Variants in FAT3 observed in about 807,000 individuals in gnomAD.
The protein encoded by FAT3 is FAT atypical cadherin 3, also known as protocadherin Fat 3.
A neutral mutation model predicts 310.2 loss-of-function variants in FAT3; 95 were observed. That is an observed-to-expected ratio of 0.31 (90% CI 0.26 to 0.36). The LOEUF (loss-of-function observed/expected upper bound fraction) is 0.36. FAT3 is among the 10% of genes least tolerant of loss of function. The pLI is 1.00. For missense variants in FAT3, 5,408 were observed against 5,715.6 expected (o/e 0.95, Z 1.74); for synonymous variants, 2,314 against 2,192.9 (o/e 1.06, Z -1.54).
intron 14 of FAT3, among the ~76,000 whole-genome samples, chr11:92,832,417 A>G (rs1332551160): frequency 6.6e-6 from 1 of 151,706 alleles, no homozygotes; most frequent in Non-Finnish European, 1.5e-5. Flanking sequence ...TTCTTGGTGG[A>G]CTCTTTTTCC....
chr11:92,676,094 C>CT (rs1490165759), intron 3 of FAT3, among the ~76,000 whole-genome samples: 1 of 152,080 alleles, frequency 6.6e-6, no homozygotes, highest in East Asian at 1.9e-4. Flanking sequence ...AGTACGGATG[C>CT]TTTTAAAGCA....
At chr11:92,338,213 T>A (rs1431608590) in intron 1 of FAT3, among the ~76,000 whole-genome samples, 2 of 152,204 alleles carry the variant, frequency 1.3e-5, no homozygotes, top group African/African-American at 4.8e-5. Flanking sequence ...AGTTTACATA[T>A]GCTGTGTAAA....
At chr11:92,373,287 T>G (rs991768257) in intron 2 of FAT3, among the ~76,000 whole-genome samples, 1 of 152,184 alleles carries the variant, frequency 6.6e-6, no homozygotes. Flanking sequence ...ACATTAAACT[T>G]ATGAGGTAGG....
At chr11:92,278,748 A>T (rs1036237592) in intron 1 of FAT3, among the ~76,000 whole-genome samples, 3 of 152,174 alleles carry the variant, frequency 2.0e-5, no homozygotes, top group African/African-American at 7.2e-5. Context: ...CACATAGTTA[A>T]TTTGGAACAT....
intron 1 of FAT3, among the ~76,000 whole-genome samples, chr11:92,314,855 G>A (rs1316117607): frequency 6.6e-6 from 1 of 152,122 alleles, no homozygotes. Flanking sequence ...TCCTTTTAAA[G>A]TAGAACCATT....
At chr11:92,246,655 A>G (rs1412341659) in intron 1 of FAT3, among the ~76,000 whole-genome samples, 2 of 152,050 alleles carry the variant, frequency 1.3e-5, no homozygotes, top group Non-Finnish European at 2.9e-5. Flanking sequence ...TTCTAAGGAA[A>G]TTGATGAAGG....
chr11:92,453,866 A>G (rs1370269862), intron 2 of FAT3, among the ~76,000 whole-genome samples: 1 of 152,200 alleles, frequency 6.6e-6, no homozygotes, highest in Non-Finnish European at 1.5e-5. Flanking sequence ...AATCAGTGCT[A>G]TCTAATAAAT....
intron 1 of FAT3, among the ~76,000 whole-genome samples, chr11:92,229,302 G>A (rs187268709): frequency 6.6e-6 from 1 of 151,988 alleles, no homozygotes; most frequent in Admixed American, 6.5e-5. Flanking sequence ...AATATATCCT[G>A]ACCTCTTGAG....
rs190698922 is a variant in FAT3, at chr11:92,711,085, T to G, written c.3669+13640T>G. 2.4e-3 allele frequency among the ~76,000 whole-genome samples: 363 copies of G among 152,322 alleles called. 1 individual carries two copies. The highest frequency in any genetic ancestry group is 3.8e-3 in the Non-Finnish European group (258 of 68,024). On this transcript the variant is annotated intron_variant, in intron 4 of 27. Transcript: ENST00000525166. The stretch of plus-strand genomic sequence containing the variant: ...ATAAATGAATAAAAACATTTAATAA[T>G]ATTCATAGTTTTTCCATAAATTGAT...
chr11:92,608,134 T>C (rs1210369473), intron 3 of FAT3, among the ~76,000 whole-genome samples: 1 of 152,198 alleles, frequency 6.6e-6, no homozygotes, highest in African/African-American at 2.4e-5. Flanking sequence ...CACGGATAAG[T>C]GTAACAAGTT....
chr11:92,783,058 C>T (rs1591725466), intron 7 of FAT3, among the ~76,000 whole-genome samples: 1 of 152,126 alleles, frequency 6.6e-6, no homozygotes, highest in Non-Finnish European at 1.5e-5. Context: ...TGCCTCTTGG[C>T]AGTGAAAAAG....
chr11:92,895,566 T>C lies in FAT3; in HGVS notation c.*4453T>C, dbSNP rs1950012003. 6.6e-6 allele frequency: 1 copy of C among 152,234 alleles called. No homozygotes were observed. Among genetic ancestry groups the C allele is most frequent in the Non-Finnish European group, 1.5e-5 (1 of 68,046 alleles). 9.4% of individuals were successfully genotyped at this position (152,234 alleles called of 1,614,324 possible). ...TGGAGCGTGTTTGGACCAATTAGTA[T>C]GTACTGTAGTACCCTTCTGGCAAAC... On this transcript the variant is annotated 3_prime_UTR_variant, in exon 28 of 28. Coordinates refer to ENST00000525166, the MANE Select transcript of FAT3 (RefSeq NM_001367949.2).
intron 13 of FAT3, among the ~76,000 whole-genome samples, chr11:92,828,342 T>C (rs1014707149): frequency 2.0e-5 from 3 of 152,126 alleles, no homozygotes; most frequent in Admixed American, 1.3e-4. Context: ...CTAAAACTTA[T>C]TGAAATCCAT....
At chr11:92,763,201 T>C (rs1946207052) in intron 5 of FAT3, among the ~76,000 whole-genome samples, 1 of 151,986 alleles carries the variant, frequency 6.6e-6, no homozygotes, top group African/African-American at 2.4e-5. Context: ...TCTTTGTCTT[T>C]ATCCTTCTCT....
intron 3 of FAT3, among the ~76,000 whole-genome samples, chr11:92,529,343 G>T (rs886407757): frequency 2.0e-5 from 3 of 152,170 alleles, no homozygotes; most frequent in Admixed American, 2.0e-4. Context: ...ACAGAGGCCA[G>T]ATAACTATAC....
At chr11:92,808,469 A>C (rs1947569621) in intron 12 of FAT3, among the ~76,000 whole-genome samples, 1 of 152,244 alleles carries the variant, frequency 6.6e-6, no homozygotes. Context: ...TGTCATATAC[A>C]AAAGTGGAGG....
chr11:92,426,477 T>G (rs1950636494), intron 2 of FAT3, among the ~76,000 whole-genome samples: 1 of 152,222 alleles, frequency 6.6e-6, no homozygotes, highest in African/African-American at 2.4e-5. Context: ...AGGTATTGCC[T>G]GTATTTTCTT....
At chr11:92,277,308 A>C (rs2134352977) in intron 1 of FAT3, among the ~76,000 whole-genome samples, 1 of 152,244 alleles carries the variant, frequency 6.6e-6, no homozygotes, top group Non-Finnish European at 1.5e-5. Context: ...GAAATCACAG[A>C]CAATTAACTC....
chr11:92,679,378 C>T (rs1178118257), intron 3 of FAT3, among the ~76,000 whole-genome samples: 7 of 151,874 alleles, frequency 4.6e-5, no homozygotes. Flanking sequence ...ATTCCCCATA[C>T]TGTTTTCTAT....
Sources: allele counts gnomAD v4.1 joint callset (sites outside exome capture counted in the v4.1 genomes callset), GRCh38; gene constraint gnomAD v4.1.1; transcripts MANE v1.5; gene names NCBI Gene and HGNC (gene_info 2026-07-23, HGNC 2026-07-21).